Variants in NFIC observed in about 807,000 individuals in gnomAD.
NFIC encodes the protein nuclear factor 1 C-type.
In NFIC, 12 loss-of-function variants were observed where a neutral mutation model predicts 54.4. That is an observed-to-expected ratio of 0.22 (90% CI 0.14 to 0.36). The LOEUF (loss-of-function observed/expected upper bound fraction) is 0.36. NFIC is among the 10% of genes least tolerant of loss of function. NFIC has a pLI of 1.00. For missense variants in NFIC, 575 were observed against 718.2 expected (o/e 0.80, Z 2.28); for synonymous variants, 322 against 319.2 (o/e 1.01, Z -0.09).
At chr19:3,435,010 G>C in intron 5 of NFIC, 73 bp from the exon 6 acceptor site, 1 of 1,476,290 alleles carries the variant, frequency 6.8e-7, no homozygotes. Flanking sequence ...ACCGGAAGTA[G>C]CAAAGCCCGC....
At chr19:3,435,297 G>A (rs2082182912) in intron 6 of NFIC, 90 bp downstream of exon 6, 1 of 1,437,156 alleles carries the variant, frequency 7.0e-7, no homozygotes, top group Non-Finnish European at 9.2e-7. Flanking sequence ...CGCGGGCGCC[G>A]CGGGGCAGGA....
At chr19:3,445,203 G>GCA (rs879266911) in intron 6 of NFIC, among the ~76,000 whole-genome samples, 3 of 150,510 alleles carry the variant, frequency 2.0e-5, no homozygotes, top group Non-Finnish European at 3.0e-5. Flanking sequence ...GTATTCACAT[G>GCA]CACACACACA....
At chr19:3,388,682 G>C (rs1026581667) in intron 2 of NFIC, among the ~76,000 whole-genome samples, 1 of 151,878 alleles carries the variant, frequency 6.6e-6, no homozygotes, top group Non-Finnish European at 1.5e-5. Context: ...TTAAAAATGA[G>C]CCAGGTGTGG....
At chr19:3,419,815 T>G (rs2081925459) in intron 2 of NFIC, among the ~76,000 whole-genome samples, 1 of 151,078 alleles carries the variant, frequency 6.6e-6, no homozygotes, top group African/African-American at 2.4e-5. Context: ...AAAAAAAAAT[T>G]TAATTTAATT....
chr19:3,446,308 C>T (rs2082373771), intron 6 of NFIC, among the ~76,000 whole-genome samples: 1 of 152,166 alleles, frequency 6.6e-6, no homozygotes, highest in Non-Finnish European at 1.5e-5. Context: ...GATCCCCTAA[C>T]CCAGAGGGTC....
In NFIC at chr19:3,369,191, G is replaced by T. The variant is rs375843954; in HGVS notation, c.30+2525G>T. 1.1e-4 allele frequency among the ~76,000 whole-genome samples: 17 copies of T among 150,988 alleles called. No homozygotes were observed. Among genetic ancestry groups the T allele is most frequent in the Admixed American group, 4.0e-4 (6 of 15,166 alleles). ...CTTTGCCTTCTTTGTGTGTCTGTCCGATGTGTCTCTGTCTGTTTCTCTGTC... is the reference window on the plus strand; with the variant it reads ...CTTTGCCTTCTTTGTGTGTCTGTCCTATGTGTCTCTGTCTGTTTCTCTGTC... On this transcript the variant is annotated intron_variant, in intron 1 of 10. Coordinates refer to ENST00000443272, the MANE Select transcript of NFIC (RefSeq NM_001245002.2). The surrounding 1 kb of genome is among the most constrained non-coding windows in gnomAD (Gnocchi z 4.3).
intron 2 of NFIC, among the ~76,000 whole-genome samples, chr19:3,416,751 T>C (rs980258975): frequency 6.6e-6 from 1 of 152,100 alleles, no homozygotes; most frequent in Middle Eastern, 3.4e-3. Context: ...CTCGAACTCC[T>C]GACCTCAGGT....
At chr19:3,421,490 C>T (rs1394877961) in intron 2 of NFIC, among the ~76,000 whole-genome samples, 1 of 152,240 alleles carries the variant, frequency 6.6e-6, no homozygotes, top group East Asian at 1.9e-4. Flanking sequence ...GGCTTGGGGC[C>T]GAGCTGGGCA....
At chr19:3,427,454 A>C (rs1437679334) in intron 3 of NFIC, among the ~76,000 whole-genome samples, 1 of 152,144 alleles carries the variant, frequency 6.6e-6, no homozygotes, top group East Asian at 1.9e-4. Context: ...TTGTAGAAAG[A>C]AAAGAAGGAG....
intron 2 of NFIC, among the ~76,000 whole-genome samples, chr19:3,388,095 C>G (rs1371820001): frequency 6.6e-6 from 1 of 152,158 alleles, no homozygotes; most frequent in Non-Finnish European, 1.5e-5. Context: ...ATGGGCCAGC[C>G]TCCTGTTCCC....
intron 2 of NFIC, among the ~76,000 whole-genome samples, chr19:3,387,686 G>T (rs996823660): frequency 1.4e-4 from 21 of 151,950 alleles, no homozygotes; most frequent in African/African-American, 4.8e-4. Context: ...CAGTGAGGGG[G>T]TTATAGCCAG....
chr19:3,393,000 G>A (rs150143117), intron 2 of NFIC, among the ~76,000 whole-genome samples: 3,978 of 152,254 alleles, frequency 0.026, 177 homozygotes, highest in African/African-American at 0.091. Flanking sequence ...GAGTACAGTG[G>A]CGCGATCTCG....
intron 6 of NFIC, among the ~76,000 whole-genome samples, chr19:3,448,458 C>T (rs1048129150): frequency 6.6e-6 from 1 of 152,146 alleles, no homozygotes; most frequent in Admixed American, 6.6e-5. Flanking sequence ...TTGTCCCAGG[C>T]AGCCTGGGAG....
chr19:3,395,124 C>T (rs2081441672), intron 2 of NFIC, among the ~76,000 whole-genome samples: 3 of 152,050 alleles, frequency 2.0e-5, no homozygotes, highest in Admixed American at 6.6e-5. Context: ...TTTGGGAAGC[C>T]GAGACGGGCG....
At chr19:3,447,663 C>G (rs1340379249) in intron 6 of NFIC, among the ~76,000 whole-genome samples, 1 of 152,246 alleles carries the variant, frequency 6.6e-6, no homozygotes, top group Middle Eastern at 3.2e-3. Flanking sequence ...CTGCCACTCC[C>G]ACACTGCTCC....
At position 3,462,734 on chromosome 19, in the gene NFIC, C is replaced by T. The variant is rs774641430; in HGVS notation, c.1510-18C>T. ...CCTTTTTCTCTCTCCCTCTTTCTGT[C>T]GCCACTGGGCCACTCAGTCCTGGTA... On this transcript the variant is annotated intron_variant, in intron 10 of 10. Transcript: ENST00000443272. 8 of 1,613,404 alleles carry T rather than the reference C, an allele frequency of 5.0e-6. No homozygotes were observed. In the South Asian group the frequency reaches 6.6e-5, roughly 13 times the overall value.
At chr19:3,393,543 G>A (rs528522691) in intron 2 of NFIC, among the ~76,000 whole-genome samples, 1 of 151,980 alleles carries the variant, frequency 6.6e-6, no homozygotes, top group African/African-American at 2.4e-5. Flanking sequence ...GGCTGGGCGT[G>A]GTGGCTCACA....
intron 2 of NFIC, among the ~76,000 whole-genome samples, chr19:3,395,803 C>T (rs1039179097): frequency 2.0e-5 from 3 of 152,068 alleles, no homozygotes; most frequent in Admixed American, 6.6e-5. Context: ...GCCTCAGCCT[C>T]CCGAGTACCT....
rs533262491 is a variant in NFIC, at chr19:3,366,648, C to T, written c.12C>T (p.Ser4=). 1 of 1,491,764 alleles carries T rather than the reference C, an allele frequency of 6.7e-7. No homozygotes were observed. Among genetic ancestry groups the T allele is most frequent in the Non-Finnish European group, 8.9e-7 (1 of 1,126,580 alleles). 92.4% of individuals were successfully genotyped at this position (1,491,764 alleles called of 1,614,324 possible). A position where few individuals can be genotyped will look rare whatever the true frequency, so the allele number is the denominator to read the frequency against. ...CCGCCGCGCCCGGGATGTATTCGTC[C>T]CCGCTCTGCCTCACCCAGGTACGGT... MYS[S]PLCLTQDEFH... is the part of the protein sequence containing the mutation. The change falls in exon 1 of 11, where the codon TCC becomes TCT. Residue 4 remains serine, a synonymous_variant. Coordinates refer to ENST00000443272, the MANE Select transcript of NFIC (RefSeq NM_001245002.2).
Sources: gnomAD v4.1 joint callset for allele counts (sites outside exome capture counted in the v4.1 genomes callset) on GRCh38, gnomAD v4.1.1 for gene constraint, Gnocchi (gnomAD v3.1) non-coding constraint, MANE v1.5 for transcripts, NCBI Gene and HGNC (gene_info 2026-07-23, HGNC 2026-07-21) for gene names.